Variants in ME3 observed in about 807,000 individuals in gnomAD.
The protein encoded by ME3 is malic enzyme 3.
Under a neutral mutation model 68.9 loss-of-function variants are expected in ME3, and 48 were observed. That is an observed-to-expected ratio of 0.70 (90% CI 0.55 to 0.89). The LOEUF (loss-of-function observed/expected upper bound fraction) is 0.89. ME3 is among the 40% of genes least tolerant of loss of function. The pLI is 0.00. For missense variants in ME3, 675 were observed against 797.4 expected, an observed-to-expected ratio of 0.85 and a Z score of 1.85; for synonymous variants, 320 against 318.8, an observed-to-expected ratio of 1.00 and a Z score of -0.04.
At position 86,498,144 on chromosome 11, in the gene ME3, C is replaced by A. The variant is rs1250834564; in HGVS notation, c.544-20G>T. 6.2e-7 allele frequency: 1 copy of A among 1,601,382 alleles called. No homozygotes were observed. The highest frequency in any genetic ancestry group is 1.7e-4 in the Middle Eastern group (1 of 6,004). On this transcript the variant is annotated intron_variant, in intron 5 of 14. Coordinates refer to ENST00000543262, the Ensembl canonical transcript of ME3. The stretch of plus-strand genomic sequence containing the variant: ...CACGGCCTGAAAAACAGCAGGGCAC[C>A]ATCAATCAGGGACAGCACTTCCTGT...
intron 5 of ME3, among the ~76,000 whole-genome samples, chr11:86,503,617 G>C (rs1952865919): frequency 6.6e-6 from 1 of 152,228 alleles, no homozygotes; most frequent in Non-Finnish European, 1.5e-5. Flanking sequence ...ATACGTCTCT[G>C]AGACTGTTTT....
intron 7 of ME3, among the ~76,000 whole-genome samples, chr11:86,484,190 G>A (rs1951566986): frequency 6.6e-6 from 1 of 152,154 alleles, no homozygotes; most frequent in Non-Finnish European, 1.5e-5. Flanking sequence ...AGTGGGTAGG[G>A]GTAGGAAGGT....
intron 5 of ME3, 88 bp downstream of exon 5, chr11:86,508,704 G>A: frequency 7.9e-7 from 1 of 1,264,668 alleles, no homozygotes; most frequent in Non-Finnish European, 1.1e-6. Flanking sequence ...GTGTCATAAT[G>A]GCTCATTTTA....
intron 8 of ME3, 90 bp downstream of exon 8, chr11:86,465,001 G>C: frequency 9.6e-7 from 1 of 1,039,234 alleles, no homozygotes; most frequent in Admixed American, 1.7e-5. Context: ...ACTATGGGGT[G>C]ACAGCCTTTC....
At chr11:86,529,445 C>G (rs1269438176) in intron 4 of ME3, among the ~76,000 whole-genome samples, 1 of 152,160 alleles carries the variant, frequency 6.6e-6, no homozygotes, top group Non-Finnish European at 1.5e-5. Context: ...GGAGCTGGTA[C>G]CATTCCTTCT....
chr11:86,610,824 G>T (rs948635230), intron 2 of ME3, among the ~76,000 whole-genome samples: 1 of 152,212 alleles, frequency 6.6e-6, no homozygotes, highest in Admixed American at 6.5e-5. Context: ...TCAAGACCCA[G>T]TCAGTGACTG....
intron 7 of ME3, among the ~76,000 whole-genome samples, chr11:86,481,922 T>C (rs1951432911): frequency 6.6e-6 from 1 of 152,212 alleles, no homozygotes; most frequent in African/African-American, 2.4e-5. Context: ...TGCTCATCCC[T>C]GTTGAACCCA....
intron 13 of ME3, among the ~76,000 whole-genome samples, chr11:86,445,129 A>T (rs1394411918): frequency 6.6e-6 from 1 of 152,208 alleles, no homozygotes; most frequent in East Asian, 1.9e-4. Context: ...CTTTCCATCC[A>T]ATGGGGACTT....
At chr11:86,591,566 T>C (rs959223980) in intron 2 of ME3, among the ~76,000 whole-genome samples, 1 of 152,188 alleles carries the variant, frequency 6.6e-6, no homozygotes, top group African/African-American at 2.4e-5. Context: ...TGTCAGTATC[T>C]TGATCTTGGA....
intron 4 of ME3, among the ~76,000 whole-genome samples, chr11:86,538,569 A>G (rs1160065791): frequency 6.6e-6 from 1 of 152,018 alleles, no homozygotes; most frequent in African/African-American, 2.4e-5. Context: ...TTACCTTCAC[A>G]TCCAGCTCAC....
chr11:86,591,745 CAG>C (rs942614420), intron 2 of ME3, among the ~76,000 whole-genome samples: 4 of 152,118 alleles, frequency 2.6e-5, no homozygotes, highest in African/African-American at 7.2e-5. Flanking sequence ...AACAGGCAAA[CAG>C]AGTTTCTGTG....
intron 2 of ME3, among the ~76,000 whole-genome samples, chr11:86,628,109 G>A (rs1291760440): frequency 6.6e-6 from 1 of 152,236 alleles, no homozygotes; most frequent in Non-Finnish European, 1.5e-5. Flanking sequence ...TCTTTTGGGT[G>A]CTGGCATCTC....
intron 2 of ME3, among the ~76,000 whole-genome samples, chr11:86,562,698 G>C (rs140158131): frequency 1.4e-4 from 21 of 152,128 alleles, no homozygotes; most frequent in African/African-American, 4.8e-4. Flanking sequence ...TTTAGATACA[G>C]GGGTACATGC....
chr11:86,437,045 T>C (rs1224698414), downstream of ME3: 1 of 152,164 alleles, frequency 6.6e-6, no homozygotes, highest in East Asian at 1.9e-4. Context: ...ATTATACCCA[T>C]TAAGTAAATT....
chr11:86,502,241 T>C (rs1473367260), intron 5 of ME3, among the ~76,000 whole-genome samples: 1 of 152,238 alleles, frequency 6.6e-6, no homozygotes, highest in East Asian at 1.9e-4. Flanking sequence ...AAAAAGCATT[T>C]CCCTCCAGGA....
chr11:86,525,995 T>C (rs1185273639), intron 4 of ME3, among the ~76,000 whole-genome samples: 1 of 152,046 alleles, frequency 6.6e-6, no homozygotes, highest in Non-Finnish European at 1.5e-5. Context: ...CGAGTTCATC[T>C]CACTGGGGAG....
chr11:86,608,904 G>A (rs1437967133), intron 2 of ME3, among the ~76,000 whole-genome samples: 1 of 152,078 alleles, frequency 6.6e-6, no homozygotes, highest in Non-Finnish European at 1.5e-5. Context: ...CTTCTAAAAA[G>A]GCACGTATTT....
intron 4 of ME3, among the ~76,000 whole-genome samples, chr11:86,526,080 C>T (rs1484026926): frequency 6.6e-6 from 1 of 152,276 alleles, no homozygotes; most frequent in South Asian, 2.1e-4. Flanking sequence ...CATTGCCTCA[C>T]CCAGGAAGCA....
intron 2 of ME3, chr11:86,667,634 C>A (rs988323212): frequency 1.3e-5 from 2 of 152,130 alleles, no homozygotes; most frequent in African/African-American, 4.8e-5. Context: ...GGAAGGCAAA[C>A]CAACCAGCCA....
Sources: allele counts gnomAD v4.1 joint callset (sites outside exome capture counted in the v4.1 genomes callset), GRCh38; gene constraint gnomAD v4.1.1; transcripts MANE v1.5; gene names NCBI Gene and HGNC (gene_info 2026-07-23, HGNC 2026-07-21).